The following GABRA2 variants were observed in gnomAD, a reference collection of about 807,000 sequenced individuals.
The protein encoded by GABRA2 is gamma-aminobutyric acid type A receptor subunit alpha2, also known as gamma-aminobutyric acid receptor subunit alpha-2.
Under a neutral mutation model 48.7 loss-of-function variants are expected in GABRA2, and 16 were observed. That is an observed-to-expected ratio of 0.33 (90% CI 0.22 to 0.50). The LOEUF is 0.50. Among genes scored for constraint, GABRA2 ranks in the 20% least tolerant of loss-of-function variants. The pLI is 0.98. For missense variants in GABRA2, 275 were observed against 535.6 expected (o/e 0.51, Z 4.80); for synonymous variants, 185 against 184.5 (o/e 1.00, Z -0.02).
rs924487417 is a variant in GABRA2, at chr4:46,244,484, A to C, written c.*5824T>G. Among the ~76,000 whole-genome samples the C allele has an allele frequency of 5.3e-5, 8 of 151,552 alleles. No homozygotes were observed. The highest frequency in any genetic ancestry group is 1.9e-4 in the African/African-American group (8 of 41,396). Reference sequence around the variant, plus strand: ...ATGGAAAACTGACATTTTCAAACCTAGTAAGCTAATTCAGCAATTGCAATC... The same window carrying C: ...ATGGAAAACTGACATTTTCAAACCTCGTAAGCTAATTCAGCAATTGCAATC... On this transcript the variant is annotated 3_prime_UTR_variant, in exon 10 of 10. Coordinates refer to ENST00000381620, the MANE Select transcript of GABRA2 (RefSeq NM_000807.4).
chr4:46,291,776 C>CATATATATATATATATATATATAT (rs560142153), intron 8 of GABRA2, among the ~76,000 whole-genome samples: 7 of 144,754 alleles, frequency 4.8e-5, no homozygotes, highest in Non-Finnish European at 1.1e-4. Context: ...TAAACACACA[C>CATATATATATATATATATATATAT]ATATATATAT....
At chr4:46,371,919 A>T (rs1303582211) in intron 3 of GABRA2, among the ~76,000 whole-genome samples, 2 of 152,186 alleles carry the variant, frequency 1.3e-5, no homozygotes, top group South Asian at 2.1e-4. Context: ...GGGTTGTAGG[A>T]CATGGTAGCC....
At position 46,262,917 on chromosome 4, in the gene GABRA2, AAG is replaced by A. The variant is rs1428493899; in HGVS notation, c.857-791_857-790del. Among the ~76,000 whole-genome samples the A allele has an allele frequency of 2.0e-5, 3 of 147,764 alleles. No homozygotes were observed. The Admixed American group carries it at 2.0e-4, about 10-fold the overall frequency. On this transcript the variant is annotated intron_variant, in intron 8 of 9. Transcript: ENST00000381620. ...GTTGAAAGAAAGAACGAAAGAAAGA[AAG>A]AGAGAGAGAAAGAAAGAAGAAAGAA...
At chr4:46,322,651 A>G (rs1729655182) in intron 4 of GABRA2, among the ~76,000 whole-genome samples, 1 of 152,054 alleles carries the variant, frequency 6.6e-6, no homozygotes. Context: ...ACCTTCTTCA[A>G]TGCTGTGTCA....
intron 4 of GABRA2, among the ~76,000 whole-genome samples, chr4:46,315,993 C>T (rs1215270733): frequency 1.3e-5 from 2 of 151,516 alleles, no homozygotes; most frequent in South Asian, 2.1e-4. Flanking sequence ...ACATTTTAAA[C>T]ATTCATATAC....
chr4:46,281,320 C>T (rs112648517), intron 8 of GABRA2, among the ~76,000 whole-genome samples: 1,887 of 152,068 alleles, frequency 0.012, 45 homozygotes, highest in African/African-American at 0.043. Flanking sequence ...ACAGAAATGG[C>T]AGAAAGTCAC....
At position 46,245,723 on chromosome 4, in the gene GABRA2, C is replaced by T. The variant is rs1405546411; in HGVS notation, c.*4585G>A. Among the ~76,000 whole-genome samples, 1 of 151,184 alleles carries T rather than the reference C, an allele frequency of 6.6e-6. No individual in the cohort carries two copies. The highest frequency in any genetic ancestry group is 2.4e-5 in the African/African-American group (1 of 41,344). On this transcript the variant is annotated 3_prime_UTR_variant, in exon 10 of 10. Transcript: ENST00000381620. ...ACATACACACTCGCAAACATACACA[C>T]ATCACTGACACACACAGCTAAGACC...
chr4:46,266,887 T>C (rs1718361320), intron 8 of GABRA2, among the ~76,000 whole-genome samples: 1 of 151,208 alleles, frequency 6.6e-6, no homozygotes, highest in South Asian at 2.1e-4. Context: ...ACGTCCAGCT[T>C]ATTTATTTTT....
intron 4 of GABRA2, among the ~76,000 whole-genome samples, chr4:46,323,423 C>G (rs16859315): frequency 0.036 from 5,500 of 151,868 alleles, 343 homozygotes; most frequent in African/African-American, 0.13. Context: ...CCCTAAAAAC[C>G]GTACCAAACT....
At chr4:46,295,814 G>C (rs1271703983) in intron 8 of GABRA2, among the ~76,000 whole-genome samples, 1 of 152,172 alleles carries the variant, frequency 6.6e-6, no homozygotes, top group African/African-American at 2.4e-5. Context: ...CACTTGAATG[G>C]ACACTTATGC....
At chr4:46,289,421 C>T (rs527326440) in intron 8 of GABRA2, among the ~76,000 whole-genome samples, 1 of 152,230 alleles carries the variant, frequency 6.6e-6, no homozygotes, top group East Asian at 1.9e-4. Flanking sequence ...ATCTGGAGGT[C>T]ATTATACTTA....
chr4:46,389,214 T>A (rs537080446), intron 1 of GABRA2: 1 of 988,060 alleles, frequency 1.0e-6, no homozygotes, highest in East Asian at 1.1e-4. Context: ...AGCCCACTTT[T>A]GCAATTACTC....
chr4:46,287,064 G>C (rs1417752049), intron 8 of GABRA2, among the ~76,000 whole-genome samples: 1 of 151,866 alleles, frequency 6.6e-6, no homozygotes, highest in Non-Finnish European at 1.5e-5. Context: ...TTTCCTAATA[G>C]TTTTATATTT....
At chr4:46,292,695 C>T (rs577683172) in intron 8 of GABRA2, among the ~76,000 whole-genome samples, 1 of 152,218 alleles carries the variant, frequency 6.6e-6, no homozygotes, top group Admixed American at 6.5e-5. Flanking sequence ...GCTGGAAATG[C>T]CTGATCTCTC....
At position 46,299,949 on chromosome 4, in the gene GABRA2, T is replaced by C. The variant is rs575037935; in HGVS notation, c.856+3511A>G. 2.5e-3 allele frequency among the ~76,000 whole-genome samples: 385 copies of C among 152,020 alleles called. 1 individual carries two copies. Among genetic ancestry groups the C allele is most frequent in the Non-Finnish European group, 4.0e-3 (273 of 67,812 alleles). On this transcript the variant is annotated intron_variant, in intron 8 of 9. Transcript: ENST00000381620. ...AAAAGAGATATTACAATCTACTTCA[T>C]TGGAAAAATAATAAGTAAAGAAGTA...
chr4:46,314,364 G>A (rs1456640217), intron 4 of GABRA2, among the ~76,000 whole-genome samples: 1 of 152,046 alleles, frequency 6.6e-6, no homozygotes, highest in Admixed American at 6.6e-5. Context: ...TGTTTCAGAA[G>A]CTATTGATAT....
At position 46,245,071 on chromosome 4, in the gene GABRA2, T is replaced by C. The variant is rs906685352; in HGVS notation, c.*5237A>G. ...TTTGTTTCGTTTACCTTTCCTATAA[T>C]ATATGTAAACTGGTATGTTGGTGTA... On this transcript the variant is annotated 3_prime_UTR_variant, in exon 10 of 10. Transcript: ENST00000381620. Among the ~76,000 whole-genome samples the C allele has an allele frequency of 2.6e-5, 4 of 151,344 alleles. No homozygotes were observed. Among genetic ancestry groups the C allele is most frequent in the East Asian group, 1.9e-4 (1 of 5,134 alleles).
At position 46,350,879 on chromosome 4, in the gene GABRA2, T is replaced by A. The variant is rs1042663768; in HGVS notation, c.188-18197A>T. Among the ~76,000 whole-genome samples the A allele has an allele frequency of 2.0e-5, 3 of 151,944 alleles. 1 individual carries two copies. On this transcript the variant is annotated intron_variant, in intron 3 of 9. Coordinates refer to ENST00000381620, the MANE Select transcript of GABRA2 (RefSeq NM_000807.4). ...ATTATGTCCATGAAGTGTGCATAAA[T>A]CATAAAAATAATCAAAAGTGCAAAG... is the stretch of plus-strand genomic sequence containing the variant.
At chr4:46,355,753 G>T (rs983184704) in intron 3 of GABRA2, among the ~76,000 whole-genome samples, 1 of 152,044 alleles carries the variant, frequency 6.6e-6, no homozygotes, top group South Asian at 2.1e-4. Context: ...CTAATCCACT[G>T]TATGTTTTCC....
Sources: allele counts gnomAD v4.1 joint callset (sites outside exome capture counted in the v4.1 genomes callset), GRCh38; gene constraint gnomAD v4.1.1; transcripts MANE v1.5; gene names NCBI Gene and HGNC (gene_info 2026-07-23, HGNC 2026-07-21).